The following APLF variants were observed in gnomAD, a reference collection of about 807,000 sequenced individuals.
The protein encoded by APLF is aprataxin and PNKP like factor, also known as aprataxin and PNK-like factor.
In APLF, 61 loss-of-function variants were observed where a neutral mutation model predicts 55.6. The ratio of observed to expected loss-of-function variants is 1.10; its 90% CI spans 0.89 to 1.36. The LOEUF (loss-of-function observed/expected upper bound fraction) is 1.36, where lower values mean the gene tolerates loss of function less well. Ranked by LOEUF, APLF falls within the 40% of genes most tolerant of loss-of-function variation. APLF has a pLI of 0.00. For synonymous variants in APLF, 207 were observed against 214.8 expected, an observed-to-expected ratio of 0.96 and a Z score of 0.32; for missense variants, 611 against 602.5, an observed-to-expected ratio of 1.01 and a Z score of -0.15.
chr2:68,516,480 T>C (rs1243286623), intron 5 of APLF, among the ~76,000 whole-genome samples: 1 of 151,264 alleles, frequency 6.6e-6, no homozygotes, highest in Non-Finnish European at 1.5e-5. Context: ...AAACAGGTGG[T>C]GTTTGGTTAC....
chr2:68,541,501 A>G (rs1670548700), intron 7 of APLF, among the ~76,000 whole-genome samples: 1 of 152,240 alleles, frequency 6.6e-6, no homozygotes, highest in South Asian at 2.1e-4. Flanking sequence ...GAACAGTGAA[A>G]TGGCCAATAA....
intron 7 of APLF, among the ~76,000 whole-genome samples, chr2:68,541,146 A>G (rs1323823720): frequency 6.6e-6 from 1 of 152,204 alleles, no homozygotes; most frequent in Non-Finnish European, 1.5e-5. Flanking sequence ...ATCACAAAAT[A>G]AATCTCAGAT....
At chr2:68,563,483 T>A in intron 8 of APLF, 1 of 528,202 alleles carries the variant, frequency 1.9e-6, no homozygotes, top group Non-Finnish European at 2.4e-6. Flanking sequence ...AATGAGGAAC[T>A]ACCTTCTGAA....
Position 68,470,167 on chromosome 2 carries a change from A to G in APLF, c.96+2340A>G, listed in dbSNP as rs148577838. ...ATCAGTTAGAAGGTTTTACAGCAGG[A>G]TTAATCTTCAGAGAACTTGAGTTAA... is the stretch of plus-strand genomic sequence containing the variant. On this transcript the variant is annotated intron_variant, in intron 1 of 9. Transcript: ENST00000303795. Among the ~76,000 whole-genome samples, 62 of 152,350 alleles carry G rather than the reference A, an allele frequency of 4.1e-4. 1 individual carries two copies. The highest frequency in any genetic ancestry group is 1.4e-3 in the African/African-American group (59 of 41,586).
At chr2:68,558,838 TC>T (rs1671087892) in intron 8 of APLF, among the ~76,000 whole-genome samples, 1 of 152,054 alleles carries the variant, frequency 6.6e-6, no homozygotes, top group African/African-American at 2.4e-5. Flanking sequence ...TGTGTGTTGT[TC>T]CCCCCAGTGT....
At chr2:68,566,751 A>G (rs1017450414) in intron 8 of APLF, among the ~76,000 whole-genome samples, 2 of 152,272 alleles carry the variant, frequency 1.3e-5, no homozygotes, top group South Asian at 4.1e-4. Context: ...AGAAGGGATC[A>G]TAAGTACGTA....
intron 9 of APLF, chr2:68,568,210 T>C (rs957453785): frequency 1.1e-6 from 1 of 944,856 alleles, no homozygotes; most frequent in East Asian, 1.2e-4. Context: ...AAAATCTGGC[T>C]TTTTCATATC....
intron 2 of APLF, among the ~76,000 whole-genome samples, chr2:68,495,082 A>G (rs1322978095): frequency 1.3e-5 from 2 of 152,154 alleles, no homozygotes; most frequent in Non-Finnish European, 2.9e-5. Context: ...TTACAATTCA[A>G]CATGAGTTTC....
intron 6 of APLF, chr2:68,528,631 C>T: frequency 2.0e-6 from 3 of 1,533,204 alleles, no homozygotes; most frequent in South Asian, 2.4e-5. Flanking sequence ...CCAGCACCTT[C>T]AAGGCCGCCT....
chr2:68,521,343 T>A (rs1482954245), intron 5 of APLF, among the ~76,000 whole-genome samples: 3 of 151,956 alleles, frequency 2.0e-5, no homozygotes, highest in Non-Finnish European at 4.4e-5. Flanking sequence ...TTGGATGCCC[T>A]TTATTTTTTC....
At chr2:68,472,649 A>G (rs1387997983) in intron 1 of APLF, among the ~76,000 whole-genome samples, 2 of 152,086 alleles carry the variant, frequency 1.3e-5, no homozygotes, top group African/African-American at 2.4e-5. Context: ...TAGCATGTTG[A>G]GTTTGACTGT....
At chr2:68,498,955 T>G (rs1676638631) in intron 2 of APLF, among the ~76,000 whole-genome samples, 1 of 152,152 alleles carries the variant, frequency 6.6e-6, no homozygotes, top group Non-Finnish European at 1.5e-5. Context: ...AAATTAAAAT[T>G]GTACTTGTGA....
chr2:68,561,157 A>G (rs1327897108), intron 8 of APLF, among the ~76,000 whole-genome samples: 1 of 152,144 alleles, frequency 6.6e-6, no homozygotes, highest in African/African-American at 2.4e-5. Context: ...TTTTATGTCT[A>G]TCTGAATAAC....
At chr2:68,537,610 T>G (rs1012620834) in intron 6 of APLF, among the ~76,000 whole-genome samples, 17 of 152,150 alleles carry the variant, frequency 1.1e-4, no homozygotes, top group Non-Finnish European at 1.5e-4. Flanking sequence ...CCTCAGGTGA[T>G]CCACCCGCCT....
At chr2:68,469,620 GAACA>G (rs1361266030) in intron 1 of APLF, among the ~76,000 whole-genome samples, 1 of 152,158 alleles carries the variant, frequency 6.6e-6, no homozygotes, top group Non-Finnish European at 1.5e-5. Flanking sequence ...AAAATTTGGA[GAACA>G]AACAAATCGC....
chr2:68,511,961 G>A (rs1397751743), intron 3 of APLF, among the ~76,000 whole-genome samples: 5 of 151,544 alleles, frequency 3.3e-5, no homozygotes, highest in South Asian at 4.1e-4. Flanking sequence ...ATACTAAAAC[G>A]AACAAATAAA....
chr2:68,528,078 G>A (rs758580288), intron 6 of APLF, among the ~76,000 whole-genome samples: 60 of 151,952 alleles, frequency 3.9e-4, no homozygotes, highest in Admixed American at 2.9e-3. Flanking sequence ...AAGCAGAGGC[G>A]CTCCTCACTT....
At chr2:68,513,416 T>A in intron 4 of APLF, 132 bp from the exon 5 acceptor site, 1 of 1,258,562 alleles carries the variant, frequency 7.9e-7, no homozygotes, top group Non-Finnish European at 1.1e-6. Context: ...AATTTCTTTG[T>A]TCAAGAAATT....
chr2:68,479,129 A>T (rs754130458), intron 1 of APLF, among the ~76,000 whole-genome samples: 58 of 152,196 alleles, frequency 3.8e-4, no homozygotes, highest in Non-Finnish European at 4.4e-5. Context: ...TCTCTAATTC[A>T]GCCACTAGAT....
Sources: allele counts gnomAD v4.1 joint callset (sites outside exome capture counted in the v4.1 genomes callset), GRCh38; gene constraint gnomAD v4.1.1; transcripts MANE v1.5; gene names NCBI Gene and HGNC (gene_info 2026-07-23, HGNC 2026-07-21).